The following KHDRBS2 variants were observed in gnomAD, a reference collection of about 807,000 sequenced individuals.
KHDRBS2 encodes KH domain-containing, RNA-binding, signal transduction-associated protein 2.
A neutral mutation model predicts 44.3 loss-of-function variants in KHDRBS2; 26 were observed. The observed-to-expected ratio is 0.59, with a 90% CI of 0.43 to 0.81. The LOEUF is 0.81. Ranked by LOEUF, KHDRBS2 falls within the 40% of genes least tolerant of loss-of-function variation. The pLI, the probability that KHDRBS2 is intolerant of heterozygous loss-of-function variation, is 0.00. For synonymous variants in KHDRBS2, 194 were observed against 151.1 expected (o/e 1.28, Z -2.08); for missense variants, 476 against 433.1 (o/e 1.10, Z -0.88).
the KHDRBS2 span, among the ~76,000 whole-genome samples, chr6:61,619,180 A>G: frequency 6.6e-6 from 1 of 152,148 alleles, no homozygotes; most frequent in Admixed American, 6.5e-5. Context: ...TGAATTATAT[A>G]GTGGCGAATT....
At chr6:62,116,669 C>G (rs1806304557) in intron 2 of KHDRBS2, among the ~76,000 whole-genome samples, 2 of 152,224 alleles carry the variant, frequency 1.3e-5, no homozygotes, top group Non-Finnish European at 2.9e-5. Flanking sequence ...TTTTAACTAT[C>G]ATCTCCCTAC....
chr6:61,947,898 C>A (rs554825194), intron 4 of KHDRBS2, among the ~76,000 whole-genome samples: 4 of 139,904 alleles, frequency 2.9e-5, no homozygotes, highest in Non-Finnish European at 6.1e-5. Flanking sequence ...ATGACAAAAC[C>A]CCCACACACA....
chr6:61,954,839 T>TATAC (rs1562513631), intron 4 of KHDRBS2, among the ~76,000 whole-genome samples: 2 of 111,168 alleles, frequency 1.8e-5, no homozygotes, highest in Non-Finnish European at 3.8e-5. Context: ...TGCATATGTA[T>TATAC]GTATACATAT....
chr6:61,853,357 G>C (rs866977001), intron 6 of KHDRBS2, among the ~76,000 whole-genome samples: 1 of 152,032 alleles, frequency 6.6e-6, no homozygotes, highest in Non-Finnish European at 1.5e-5. Context: ...TATAGCCATT[G>C]AAATTTTTAT....
At chr6:62,272,223 G>A (rs181297435) in intron 1 of KHDRBS2, among the ~76,000 whole-genome samples, 1 of 152,238 alleles carries the variant, frequency 6.6e-6, no homozygotes, top group Non-Finnish European at 1.5e-5. Flanking sequence ...TGGGTGTGTG[G>A]TAGCTATTCC....
chr6:61,906,676 T>C (rs1286027598), intron 4 of KHDRBS2, among the ~76,000 whole-genome samples: 18 of 152,294 alleles, frequency 1.2e-4, no homozygotes, highest in Admixed American at 5.2e-4. Flanking sequence ...GCCAGGCTTA[T>C]TTTGCTTAAC....
chr6:61,624,652 G>A, the KHDRBS2 span, among the ~76,000 whole-genome samples: 1 of 152,258 alleles, frequency 6.6e-6, no homozygotes, highest in South Asian at 2.1e-4. Flanking sequence ...AACACCCAGA[G>A]GCAGCTGGTG....
intron 4 of KHDRBS2, among the ~76,000 whole-genome samples, chr6:61,930,702 A>T (rs1421238436): frequency 6.7e-6 from 1 of 149,146 alleles, no homozygotes; most frequent in African/African-American, 2.5e-5. Context: ...GTCTCAAAAA[A>T]AAAGAAAAAG....
At chr6:61,913,315 G>A (rs1806388157) in intron 4 of KHDRBS2, among the ~76,000 whole-genome samples, 1 of 151,926 alleles carries the variant, frequency 6.6e-6, no homozygotes, top group Non-Finnish European at 1.5e-5. Flanking sequence ...CTTTGCCTGA[G>A]GTGGGATTTT....
chr6:61,756,479 C>G (rs80013008), intron 6 of KHDRBS2, among the ~76,000 whole-genome samples: 4 of 152,040 alleles, frequency 2.6e-5, no homozygotes, highest in Non-Finnish European at 1.5e-5. Context: ...AGGCTGGTCT[C>G]GAACTCTTGA....
At chr6:61,969,821 T>C (rs1770944350) in intron 4 of KHDRBS2, among the ~76,000 whole-genome samples, 1 of 151,998 alleles carries the variant, frequency 6.6e-6, no homozygotes, top group South Asian at 2.1e-4. Context: ...AATTTTATTC[T>C]GACTTAAATA....
the KHDRBS2 span, among the ~76,000 whole-genome samples, chr6:61,597,289 G>T: frequency 6.6e-6 from 1 of 152,060 alleles, no homozygotes; most frequent in African/African-American, 2.4e-5. Context: ...TTGTACTTTG[G>T]GGACCAATTT....
At chr6:61,772,446 A>G (rs1487388726) in intron 6 of KHDRBS2, among the ~76,000 whole-genome samples, 1 of 151,770 alleles carries the variant, frequency 6.6e-6, no homozygotes, top group African/African-American at 2.4e-5. Context: ...GAAGAAAAGA[A>G]TAAAATAGAC....
chr6:61,624,861 A>T, the KHDRBS2 span, among the ~76,000 whole-genome samples: 1 of 152,118 alleles, frequency 6.6e-6, no homozygotes, highest in Non-Finnish European at 1.5e-5. Context: ...AGTTCTAATG[A>T]CCCACTTGGA....
intron 2 of KHDRBS2, among the ~76,000 whole-genome samples, chr6:62,071,702 C>G (rs1795140960): frequency 1.3e-5 from 2 of 152,198 alleles, no homozygotes; most frequent in South Asian, 2.1e-4. Flanking sequence ...TGGTCTATAT[C>G]TCTGTTTTGG....
At chr6:61,852,082 C>G (rs781328941) in intron 6 of KHDRBS2, among the ~76,000 whole-genome samples, 4 of 151,684 alleles carry the variant, frequency 2.6e-5, no homozygotes, top group Non-Finnish European at 4.4e-5. Context: ...ATTAGCTGAG[C>G]ATAGTAGTGG....
chr6:61,896,249 T>C (rs1802914960), intron 5 of KHDRBS2, among the ~76,000 whole-genome samples: 1 of 152,196 alleles, frequency 6.6e-6, no homozygotes, highest in Non-Finnish European at 1.5e-5. Flanking sequence ...TCCTGTTCAG[T>C]TTAGCATTTT....
chr6:62,088,780 C>T (rs1479573866), intron 2 of KHDRBS2, among the ~76,000 whole-genome samples: 10 of 152,274 alleles, frequency 6.6e-5, no homozygotes, highest in South Asian at 2.1e-4. Context: ...TCTTCAGAGC[C>T]GGCAGGCAGA....
intron 6 of KHDRBS2, among the ~76,000 whole-genome samples, chr6:61,748,903 T>C (rs1777230674): frequency 6.6e-6 from 1 of 152,136 alleles, no homozygotes; most frequent in Non-Finnish European, 1.5e-5. Context: ...GTGTGGTTAA[T>C]GGGCACTTAA....
Sources: gnomAD v4.1 joint callset for allele counts (sites outside exome capture counted in the v4.1 genomes callset) on GRCh38, gnomAD v4.1.1 for gene constraint, MANE v1.5 for transcripts, NCBI Gene and HGNC (gene_info 2026-07-23, HGNC 2026-07-21) for gene names.